Variants in SPATA31D1 observed in about 807,000 individuals in gnomAD.
SPATA31D1 encodes the protein SPATA31 subfamily D member 1.
In SPATA31D1, 6 loss-of-function variants were observed where a neutral mutation model predicts 13.2. The observed-to-expected ratio is 0.46, with a 90% CI of 0.25 to 0.90. The LOEUF is 0.90. Ranked by LOEUF, SPATA31D1 falls within the 40% of genes least tolerant of loss-of-function variation. The probability of loss-of-function intolerance (pLI) is 0.18; values close to 1 mark genes in which losing one functional copy is unlikely to be tolerated. For missense variants in SPATA31D1, 2,445 were observed against 1,884.7 expected, an observed-to-expected ratio of 1.30 and a Z score of -5.50; for synonymous variants, 903 against 718.8, an observed-to-expected ratio of 1.26 and a Z score of -4.10.
Position 81,995,224 on chromosome 9 carries a change from G to T in SPATA31D1, c.*23G>T. The T allele has an allele frequency of 6.8e-7, 1 of 1,480,500 alleles. No homozygotes were observed. Among genetic ancestry groups the T allele is most frequent in the South Asian group, 1.3e-5 (1 of 75,838 alleles). The allele number at this position is 1,480,500 out of a possible 1,614,324, so 91.7% of individuals were successfully genotyped here. ...TAATTCACTCCTTGTTGAGAATCTT[G>T]ATTCTCCCCAATAAATGTTCCAATA... On this transcript the variant is annotated 3_prime_UTR_variant, in exon 4 of 4. Transcript: ENST00000344803.
rs1363329698 is a variant in SPATA31D1 at position 81,991,866 on chromosome 9, G to A, written c.1396G>A (p.Glu466Lys). The A allele has an allele frequency of 1.2e-6, 2 of 1,613,692 alleles. No individual in the cohort carries two copies. Among genetic ancestry groups the A allele is most frequent in the Non-Finnish European group, 1.7e-6 (2 of 1,179,732 alleles). The change falls in exon 4 of 4, where the codon GAA (glutamate) becomes AAA (lysine). Residue 466 changes from glutamate (E) to lysine (K), a missense_variant. Coordinates refer to ENST00000344803, the MANE Select transcript of SPATA31D1 (RefSeq NM_001001670.3). Reference protein sequence around the residue: ...TSIAVKHDLAESFPFWASKGK... With the variant: ...TSIAVKHDLAKSFPFWASKGK... ...AATTGCTGTTAAGCATGACTTGGCA[G>A]AATCCTTTCCTTTTTGGGCCAGTAA...
Position 81,991,619 on chromosome 9 carries a change from T to G in SPATA31D1, c.1149T>G (p.Leu383=). The G allele has an allele frequency of 6.2e-7, 1 of 1,613,964 alleles. No homozygotes were observed. Among genetic ancestry groups the G allele is most frequent in the Non-Finnish European group, 8.5e-7 (1 of 1,179,884 alleles). ...ATTTCATGGAGGAGCTTCTTACCCTTCATTCTTCTGAGGCCTTTTTAGGGG... is the reference window on the plus strand; with the variant it reads ...ATTTCATGGAGGAGCTTCTTACCCTGCATTCTTCTGAGGCCTTTTTAGGGG... ...PSDFMEELLT[L]HSSEAFLGGH... is the part of the protein sequence containing the mutation. Residue 383 remains leucine (L), a synonymous_variant, in exon 4 of 4, where the codon CTT becomes CTG. Coordinates refer to ENST00000344803, the MANE Select transcript of SPATA31D1 (RefSeq NM_001001670.3).
intron 1 of SPATA31D1, among the ~76,000 whole-genome samples, chr9:81,989,345 A>G (rs561665827): frequency 6.6e-6 from 1 of 152,332 alleles, no homozygotes; most frequent in South Asian, 2.1e-4. Context: ...CTCTGCTGAA[A>G]TTTGATCATG....
intron 3 of SPATA31D1, 131 bp from the exon 4 acceptor site, chr9:81,990,642 A>T: frequency 7.4e-7 from 1 of 1,345,672 alleles, no homozygotes; most frequent in Non-Finnish European, 1.0e-6. Flanking sequence ...GAGAGGCTAT[A>T]GTGAGGTCAT....
In SPATA31D1 at chr9:81,992,240, C is replaced by A. The variant is rs745842429; in HGVS notation, c.1770C>A (p.Ala590=). 1 of 1,613,760 alleles carries A rather than the reference C, an allele frequency of 6.2e-7. No individual in the cohort carries two copies. The highest frequency in any genetic ancestry group is 8.5e-7 in the Non-Finnish European group (1 of 1,179,736). Residue 590 remains alanine, a synonymous_variant, in exon 4 of 4, where the codon GCC becomes GCA. Transcript: ENST00000344803. ...CTCAACCTCAATCTCCATTCCGAGC[C>A]CTACTACCTAGTCCTCTATTCCTGA... ...SLAQPQSPFR[A]LLPSPLFLIR...
intron 1 of SPATA31D1, 61 bp downstream of exon 1, chr9:81,989,065 C>G: frequency 6.3e-7 from 1 of 1,581,976 alleles, no homozygotes. Context: ...CAATCCTATT[C>G]CAACATTTCT....
rs765097283 is a variant in SPATA31D1, at chr9:81,991,986, G to C, written c.1516G>C (p.Gly506Arg). 1.9e-6 allele frequency: 3 copies of C among 1,613,658 alleles called. No homozygotes were observed. In the East Asian group the frequency reaches 6.7e-5, roughly 36 times the overall value. ...GCAAAAATATGTCCAGCTCTTCTGG[G>C]GTCTCCCATCTTTGCACAGCGAGTC... ...LEQKYVQLFW[G>R]LPSLHSESLH... The change falls in exon 4 of 4, where the codon GGT becomes CGT. Residue 506 changes from glycine (G) to arginine (R), a missense_variant. Transcript: ENST00000344803.
chr9:81,994,176 G>C lies in SPATA31D1; in HGVS notation c.3706G>C (p.Asp1236His). The C allele has an allele frequency of 6.2e-7, 1 of 1,614,012 alleles. No individual in the cohort carries two copies. Among genetic ancestry groups the C allele is most frequent in the Non-Finnish European group, 8.5e-7 (1 of 1,179,886 alleles). Residue 1236 changes from aspartate (D) to histidine (H), a missense_variant, in exon 4 of 4, where the codon GAC becomes CAC. By Grantham distance (81) the Asp-to-His change is moderately conservative. Coordinates refer to ENST00000344803, the MANE Select transcript of SPATA31D1 (RefSeq NM_001001670.3). Reference protein sequence around the residue: ...SFALDNLSSKDLLTNSQGISS... With the variant: ...SFALDNLSSKHLLTNSQGISS... ...TGCCTTAGATAACTTGAGTTCCAAG[G>C]ACTTACTGACTAATTCCCAGGGCAT...
rs760748311 is a variant in SPATA31D1 at position 81,993,848 on chromosome 9, A to T, written c.3378A>T (p.Ser1126=). The change falls in exon 4 of 4, where the codon TCA becomes TCT. Residue 1126 remains serine, a synonymous_variant. Transcript: ENST00000344803. The part of the protein sequence containing the change: ...PIMQAGAGCE[S]WDKRKSSFHN... ...TGCAAGCTGGAGCTGGCTGTGAGTCATGGGATAAGAGAAAGAGTTCCTTTC... is the reference window on the plus strand; with the variant it reads ...TGCAAGCTGGAGCTGGCTGTGAGTCTTGGGATAAGAGAAAGAGTTCCTTTC... 8 of 1,614,000 alleles carry T rather than the reference A, an allele frequency of 5.0e-6. No homozygotes were observed. Among genetic ancestry groups the T allele is most frequent in the Non-Finnish European group, 6.8e-6 (8 of 1,179,884 alleles).
upstream of SPATA31D1, among the ~76,000 whole-genome samples, chr9:81,988,550 C>G (rs1322151743): frequency 2.0e-5 from 3 of 151,978 alleles, no homozygotes; most frequent in Admixed American, 6.6e-5. Flanking sequence ...TGGAACAAAC[C>G]AAAAATTCCA....
In SPATA31D1 at chr9:81,993,274, T is replaced by C. The variant is rs1225397207; in HGVS notation, c.2804T>C (p.Leu935Pro). 3 of 1,613,876 alleles carry C rather than the reference T, an allele frequency of 1.9e-6. No individual in the cohort carries two copies. The African/African-American group carries it at 4.0e-5, about 22-fold the overall frequency. ...GAAATCTTCAAATCGAAAGCGGACC[T>C]TTCCACTTCCTTTTCCCATTTCGAC... Reference protein sequence around the residue: ...SIEIFKSKADLSTSFSHFDLP... With the variant: ...SIEIFKSKADPSTSFSHFDLP... The change falls in exon 4 of 4, where the codon CTT becomes CCT. Residue 935 changes from leucine (L) to proline (P), a missense_variant. Transcript: ENST00000344803.
rs1824900265 is a variant in SPATA31D1 at position 81,988,955 on chromosome 9, T to C, written c.137T>C (p.Val46Ala). Residue 46 changes from valine to alanine, a missense_variant, in exon 1 of 4, where the codon GTA becomes GCA. Coordinates refer to ENST00000344803, the MANE Select transcript of SPATA31D1 (RefSeq NM_001001670.3). ...TTTATACTGTACTTGTTCTACGTGG[T>C]ATTGACCCTGTATTCGTCACCCACC... ...GLFILYLFYV[V>A]LTLYSSPTEK... 1 of 1,611,982 alleles carries C rather than the reference T, an allele frequency of 6.2e-7. No homozygotes were observed. Among genetic ancestry groups the C allele is most frequent in the Non-Finnish European group, 8.5e-7 (1 of 1,179,694 alleles).
chr9:81,993,730 A>T lies in SPATA31D1; in HGVS notation c.3260A>T (p.Gln1087Leu), dbSNP rs759778168. ...ESVRTTEDGR[Q>L]TFLPPPHSIV... ...GTCCGGACAACAGAGGATGGCAGAC[A>T]GACTTTTCTGCCCCCGCCACACAGC... The change falls in exon 4 of 4, where the codon CAG (glutamine) becomes CTG (leucine). Residue 1087 changes from glutamine (Q) to leucine (L), a missense_variant. Physicochemically the swap from Gln to Leu is moderately radical, Grantham distance 113. Coordinates refer to ENST00000344803, the MANE Select transcript of SPATA31D1 (RefSeq NM_001001670.3). 6 of 1,613,890 alleles carry T rather than the reference A, an allele frequency of 3.7e-6. No individual in the cohort carries two copies. In the East Asian group the frequency reaches 1.3e-4, roughly 36 times the overall value.
chr9:81,994,250 G>A lies in SPATA31D1; in HGVS notation c.3780G>A (p.Glu1260=). 1.2e-6 allele frequency: 2 copies of A among 1,614,020 alleles called. No homozygotes were observed. Among genetic ancestry groups the A allele is most frequent in the Non-Finnish European group, 1.7e-6 (2 of 1,179,906 alleles). ...CCCAGGTGGTGCATGTCCACTTGGA[G>A]GACAGCGGAATCCGTGTGGCACAGA... The part of the protein sequence containing the change: ...GTSQVVHVHL[E]DSGIRVAQKQ... The change falls in exon 4 of 4, where the codon GAG becomes GAA. Residue 1260 remains glutamate, a synonymous_variant. Transcript: ENST00000344803.
In SPATA31D1 at chr9:81,988,866, G is replaced by C; in HGVS notation, c.48G>C (p.Leu16=). The C allele has an allele frequency of 6.2e-7, 1 of 1,612,968 alleles. No individual in the cohort carries two copies. The highest frequency in any genetic ancestry group is 8.5e-7 in the Non-Finnish European group (1 of 1,179,732). The change falls in exon 1 of 4, where the codon CTG becomes CTC. Residue 16 remains leucine (L), a synonymous_variant. Transcript: ENST00000344803. Reference sequence around the variant, plus strand: ...TGAACAGCTATACTGAGACAGGGCTGAGCCCTGACTCACATTGGTTGGATA... The same window carrying C: ...TGAACAGCTATACTGAGACAGGGCTCAGCCCTGACTCACATTGGTTGGATA... ...CFLNSYTETG[L]SPDSHWLDID...
intron 2 of SPATA31D1, 172 bp downstream of exon 2, chr9:81,989,995 G>GCAGGGCCTCTGA: frequency 1.4e-6 from 1 of 711,684 alleles, no homozygotes; most frequent in Non-Finnish European, 2.3e-6. Context: ...ACTGCTCAGA[G>GCAGGGCCTCTGA]GCCCTGCTCT....
rs1434113368 is a variant in SPATA31D1 at position 81,992,504 on chromosome 9, A to G, written c.2034A>G (p.Pro678=). 3 of 1,611,958 alleles carry G rather than the reference A, an allele frequency of 1.9e-6. No homozygotes were observed. The highest frequency in any genetic ancestry group is 1.7e-5 in the Admixed American group (1 of 60,016). The change falls in exon 4 of 4, where the codon CCA becomes CCG. Residue 678 remains proline, a synonymous_variant. Transcript: ENST00000344803. ...TCTCCATCATTCCTGGAGATTTTCC[A>G]CTCAGCTCTGAGGTAAGGAAGAAAC... ...VPISIIPGDF[P]LSSEVRKKLE... is the part of the protein sequence containing the mutation.
At chr9:81,990,679 G>T (rs2133437857) in intron 3 of SPATA31D1, 94 bp from the exon 4 acceptor site, 2 of 1,475,820 alleles carry the variant, frequency 1.4e-6, no homozygotes, top group Non-Finnish European at 9.2e-7. Flanking sequence ...TGAGGTCCTG[G>T]GTTGGGGGCA....
At chr9:81,990,564 C>T in intron 3 of SPATA31D1, 78 bp downstream of exon 3, 1 of 1,442,530 alleles carries the variant, frequency 6.9e-7, no homozygotes. Context: ...TTCAGGGATT[C>T]CTTGTAGCCT....
Sources: gnomAD v4.1 joint callset for allele counts (sites outside exome capture counted in the v4.1 genomes callset) on GRCh38, gnomAD v4.1.1 for gene constraint, MANE v1.5 for transcripts, NCBI Gene and HGNC (gene_info 2026-07-23, HGNC 2026-07-21) for gene names.